Variants in MAST4 observed in about 807,000 individuals in gnomAD.
MAST4 encodes the protein microtubule associated serine/threonine kinase family member 4.
A neutral mutation model predicts 162.7 loss-of-function variants in MAST4; 89 were observed. The observed-to-expected ratio is 0.55, with a 90% CI of 0.46 to 0.65. The LOEUF is 0.65. MAST4 is among the 30% of genes least tolerant of loss of function. MAST4 has a pLI of 0.00. For missense variants in MAST4, 3,153 were observed against 3,374.0 expected (o/e 0.93, Z 1.62); for synonymous variants, 1,479 against 1,361.1 (o/e 1.09, Z -1.91).
rs1333393320 is a variant in MAST4 at position 67,167,102 on chromosome 5, T to G, written c.*51T>G. On this transcript the variant is annotated 3_prime_UTR_variant, in exon 29 of 29. Coordinates refer to ENST00000403625, the MANE Select transcript of MAST4 (RefSeq NM_001164664.2). ...TGGAGACCCGTCCTGAACGGGCGAC[T>G]GTGTCTTGACTACCTTTCAAAACCA... The G allele has an allele frequency of 2.0e-6, 3 of 1,464,942 alleles. No homozygotes were observed. In the African/African-American group the frequency reaches 4.2e-5, roughly 21 times the overall value. The allele number at this position is 1,464,942 out of a possible 1,614,324, so 90.7% of individuals were successfully genotyped here. A position where few individuals can be genotyped will look rare whatever the true frequency, so the allele number is the denominator to read the frequency against.
chr5:66,686,912 A>T (rs1283411129), intron 1 of MAST4, among the ~76,000 whole-genome samples: 1 of 152,184 alleles, frequency 6.6e-6, no homozygotes, highest in African/African-American at 2.4e-5. Context: ...GTATGTCAGT[A>T]TTATTTAGCT....
intron 4 of MAST4, among the ~76,000 whole-genome samples, chr5:67,050,252 G>A (rs1758008848): frequency 6.6e-6 from 1 of 152,208 alleles, no homozygotes; most frequent in African/African-American, 2.4e-5. Flanking sequence ...GATGGTAATA[G>A]TGAACTCAGG....
At chr5:66,946,752 C>G (rs1043793727) in intron 4 of MAST4, among the ~76,000 whole-genome samples, 1 of 152,094 alleles carries the variant, frequency 6.6e-6, no homozygotes, top group Admixed American at 6.6e-5. Flanking sequence ...AGTCTAAATT[C>G]TTTAGTCAGA....
At chr5:67,116,179 G>GTTTT (rs1400539742) in intron 12 of MAST4, among the ~76,000 whole-genome samples, 1 of 131,640 alleles carries the variant, frequency 7.6e-6, no homozygotes, top group Non-Finnish European at 1.6e-5. Flanking sequence ...TCTAAGGCTA[G>GTTTT]TTTTGTTTGT....
At chr5:67,052,478 G>T (rs1758304513) in intron 4 of MAST4, among the ~76,000 whole-genome samples, 1 of 151,874 alleles carries the variant, frequency 6.6e-6, no homozygotes, top group Non-Finnish European at 1.5e-5. Flanking sequence ...AATCTAAATT[G>T]TTCATTGTTT....
intron 14 of MAST4, among the ~76,000 whole-genome samples, chr5:67,123,625 T>C (rs1767837759): frequency 6.6e-6 from 1 of 152,232 alleles, no homozygotes; most frequent in South Asian, 2.1e-4. Flanking sequence ...TTTGTTAAAA[T>C]GTTTAGCCAT....
intron 3 of MAST4, among the ~76,000 whole-genome samples, chr5:66,871,622 C>A (rs1197203232): frequency 6.6e-6 from 1 of 152,166 alleles, no homozygotes; most frequent in Non-Finnish European, 1.5e-5. Context: ...CAGACAGGCA[C>A]GAAGCATTCA....
At chr5:66,816,205 T>C (rs1227681860) in intron 3 of MAST4, among the ~76,000 whole-genome samples, 4 of 152,166 alleles carry the variant, frequency 2.6e-5, no homozygotes, top group Non-Finnish European at 5.9e-5. Context: ...TCTTGAAACA[T>C]TATGAGATTT....
intron 11 of MAST4, among the ~76,000 whole-genome samples, chr5:67,110,478 A>G (rs888389216): frequency 3.3e-5 from 5 of 152,258 alleles, no homozygotes. Flanking sequence ...TTATCTCAGC[A>G]TAATTACTTT....
intron 1 of MAST4, among the ~76,000 whole-genome samples, chr5:66,674,408 T>A (rs758200983): frequency 6.6e-6 from 1 of 152,258 alleles, no homozygotes; most frequent in Non-Finnish European, 1.5e-5. Context: ...ACATGACTAC[T>A]ACTTGGAGTT....
intron 1 of MAST4, among the ~76,000 whole-genome samples, chr5:66,728,935 A>G (rs1451688962): frequency 6.6e-6 from 1 of 152,176 alleles, no homozygotes; most frequent in Non-Finnish European, 1.5e-5. Context: ...GAGGGGAGGA[A>G]GGAGAGAAGA....
intron 5 of MAST4, among the ~76,000 whole-genome samples, chr5:67,070,386 T>C (rs1010473121): frequency 5.9e-5 from 9 of 152,200 alleles, no homozygotes; most frequent in African/African-American, 2.2e-4. Context: ...TGTTCATTTC[T>C]TCTAGTGATG....
intron 3 of MAST4, among the ~76,000 whole-genome samples, chr5:66,847,469 C>T (rs1007027900): frequency 1.3e-5 from 2 of 152,138 alleles, no homozygotes; most frequent in Non-Finnish European, 1.5e-5. Context: ...CCCATCTCTA[C>T]TAAGTAATAC....
At chr5:66,622,375 T>A (rs1744131195) in intron 1 of MAST4, among the ~76,000 whole-genome samples, 1 of 150,284 alleles carries the variant, frequency 6.7e-6, no homozygotes, top group Non-Finnish European at 1.5e-5. Flanking sequence ...AGGCTAGGAA[T>A]GAAGTGTAAG....
chr5:66,837,871 T>TATAC (rs1758093316), intron 3 of MAST4, among the ~76,000 whole-genome samples: 1 of 54,092 alleles, frequency 1.8e-5, no homozygotes, highest in South Asian at 8.9e-4. Context: ...ATTTTATATA[T>TATAC]ATATATATAT....
At chr5:67,140,695 T>C (rs1770273498) in intron 19 of MAST4, among the ~76,000 whole-genome samples, 2 of 152,208 alleles carry the variant, frequency 1.3e-5, no homozygotes, top group East Asian at 3.8e-4. Flanking sequence ...CAAAAGGTGT[T>C]GTAATGCCCA....
At chr5:66,758,165 T>TA (rs759061478) in intron 1 of MAST4, among the ~76,000 whole-genome samples, 16 of 151,474 alleles carry the variant, frequency 1.1e-4, no homozygotes, top group Non-Finnish European at 1.9e-4. Context: ...GGCCTCTCAC[T>TA]AAAATACTGA....
intron 4 of MAST4, among the ~76,000 whole-genome samples, chr5:66,903,483 T>C (rs963323990): frequency 1.3e-4 from 19 of 151,762 alleles, no homozygotes; most frequent in Admixed American, 9.2e-4. Flanking sequence ...TGGTTAATTT[T>C]GTCTCATAAT....
At chr5:67,058,878 A>G (rs1759197292) in intron 5 of MAST4, among the ~76,000 whole-genome samples, 1 of 152,250 alleles carries the variant, frequency 6.6e-6, no homozygotes, top group African/African-American at 2.4e-5. Context: ...ACAACATAAT[A>G]TCTGCAGTAG....
Sources: allele counts gnomAD v4.1 joint callset (sites outside exome capture counted in the v4.1 genomes callset), GRCh38; gene constraint gnomAD v4.1.1; transcripts MANE v1.5; gene names NCBI Gene and HGNC (gene_info 2026-07-23, HGNC 2026-07-21).